Variants in SAMD5 observed in about 807,000 individuals in gnomAD.
The protein encoded by SAMD5 is sterile alpha motif domain-containing protein 5.
In SAMD5, 13 loss-of-function variants were observed where a neutral mutation model predicts 11.3. That is an observed-to-expected ratio of 1.15 (90% confidence interval 0.75 to 1.83). SAMD5 has a LOEUF of 1.83. Among genes scored for constraint, SAMD5 ranks in the 40% most tolerant of loss-of-function variants. The probability of loss-of-function intolerance (pLI) is 0.00; values close to 1 mark genes in which losing one functional copy is unlikely to be tolerated. For synonymous variants in SAMD5, 129 were observed against 111.3 expected, an observed-to-expected ratio of 1.16 and a Z score of -1.00; for missense variants, 255 against 239.1, an observed-to-expected ratio of 1.07 and a Z score of -0.44.
the SAMD5 span, among the ~76,000 whole-genome samples, chr6:147,790,883 A>G: frequency 1.4e-5 from 2 of 147,072 alleles, no homozygotes; most frequent in East Asian, 2.0e-4. Context: ...GCTTCCTTGG[A>G]TGTCAGATTG....
the SAMD5 span, among the ~76,000 whole-genome samples, chr6:147,770,377 G>A: frequency 1.3e-5 from 2 of 152,122 alleles, no homozygotes; most frequent in East Asian, 3.9e-4. Flanking sequence ...TAAAACGGAC[G>A]ATTTCTGCCT....
chr6:147,754,740 T>C, the SAMD5 span, among the ~76,000 whole-genome samples: 1 of 152,136 alleles, frequency 6.6e-6, no homozygotes, highest in Non-Finnish European at 1.5e-5. Flanking sequence ...TTTTTGTATA[T>C]GGCAAGAGAT....
the SAMD5 span, among the ~76,000 whole-genome samples, chr6:147,890,792 A>C: frequency 6.6e-6 from 1 of 152,196 alleles, no homozygotes; most frequent in African/African-American, 2.4e-5. Flanking sequence ...ATTTGTGTTA[A>C]AGATTAGATG....
At chr6:147,786,442 G>T in the SAMD5 span, among the ~76,000 whole-genome samples, 1 of 152,122 alleles carries the variant, frequency 6.6e-6, no homozygotes, top group Admixed American at 6.6e-5. Flanking sequence ...TTTGTGAGGC[G>T]AATATAAGCT....
At chr6:147,587,811 G>A (rs1445297123) in intron 1 of SAMD5, among the ~76,000 whole-genome samples, 3 of 152,028 alleles carry the variant, frequency 2.0e-5, no homozygotes, top group African/African-American at 7.2e-5. Context: ...GTCTACCAGA[G>A]CAATCACTTA....
At chr6:147,791,774 T>A in the SAMD5 span, among the ~76,000 whole-genome samples, 3 of 152,244 alleles carry the variant, frequency 2.0e-5, no homozygotes, top group Admixed American at 1.3e-4. Context: ...ATTAAGATTA[T>A]GTCTTTCCAC....
At chr6:147,510,674 G>C (rs1398212952) in intron 1 of SAMD5, among the ~76,000 whole-genome samples, 1 of 152,170 alleles carries the variant, frequency 6.6e-6, no homozygotes, top group Non-Finnish European at 1.5e-5. Context: ...AAGGTAGATG[G>C]GAATAAGGGG....
the SAMD5 span, among the ~76,000 whole-genome samples, chr6:147,828,121 T>A: frequency 2.0e-5 from 3 of 152,162 alleles, no homozygotes; most frequent in Admixed American, 2.0e-4. Context: ...TTTGCTAACC[T>A]TACAAAATGA....
chr6:147,695,917 C>T (rs948875949), intron 1 of SAMD5, among the ~76,000 whole-genome samples: 1 of 152,220 alleles, frequency 6.6e-6, no homozygotes, highest in Non-Finnish European at 1.5e-5. Context: ...CCTTAATTCA[C>T]CTCTTCTTTA....
the SAMD5 span, among the ~76,000 whole-genome samples, chr6:147,830,812 A>G: frequency 9.8e-5 from 15 of 152,344 alleles, 1 homozygote; most frequent in South Asian, 1.9e-3. Flanking sequence ...GAATTTTGTC[A>G]GGAAGATCTA....
chr6:147,767,372 C>A, the SAMD5 span, among the ~76,000 whole-genome samples: 1 of 151,044 alleles, frequency 6.6e-6, no homozygotes, highest in Admixed American at 6.6e-5. Flanking sequence ...GTGGTACTGC[C>A]TTAAATCAAA....
chr6:147,564,318 G>A (rs1274328938), intron 1 of SAMD5, 76 bp from the exon 2 acceptor site: 8 of 760,120 alleles, frequency 1.1e-5, no homozygotes, highest in Admixed American at 1.8e-5. Flanking sequence ...AAAAATAGGA[G>A]CAGAAATCCA....
chr6:147,919,131 G>C, the SAMD5 span, among the ~76,000 whole-genome samples: 2 of 152,190 alleles, frequency 1.3e-5, no homozygotes, highest in African/African-American at 4.8e-5. Flanking sequence ...AAATGGCGTA[G>C]TTTACACGCT....
chr6:147,594,421 A>G (rs1789499785), intron 1 of SAMD5, among the ~76,000 whole-genome samples: 4 of 152,200 alleles, frequency 2.6e-5, no homozygotes, highest in African/African-American at 9.6e-5. Flanking sequence ...AACTAAGTTC[A>G]CGGATAATGT....
chr6:147,852,483 G>T, the SAMD5 span, among the ~76,000 whole-genome samples: 1 of 151,732 alleles, frequency 6.6e-6, no homozygotes, highest in Non-Finnish European at 1.5e-5. Context: ...GTAAACTCTT[G>T]GTACCCATAT....
At chr6:147,926,370 T>C in the SAMD5 span, among the ~76,000 whole-genome samples, 1 of 152,208 alleles carries the variant, frequency 6.6e-6, no homozygotes. Flanking sequence ...TTTTTAATAA[T>C]AGCCATTCTG....
intron 1 of SAMD5, among the ~76,000 whole-genome samples, chr6:147,682,614 T>C (rs1048675513): frequency 6.6e-6 from 1 of 152,226 alleles, no homozygotes; most frequent in Admixed American, 6.5e-5. Context: ...ACTTTCTTTT[T>C]AATGAATGTA....
At chr6:147,906,153 T>A in the SAMD5 span, among the ~76,000 whole-genome samples, 1 of 152,198 alleles carries the variant, frequency 6.6e-6, no homozygotes, top group African/African-American at 2.4e-5. Context: ...GAAAAATAAT[T>A]TCTGAAGATT....
chr6:147,860,032 T>C, the SAMD5 span, among the ~76,000 whole-genome samples: 1 of 152,164 alleles, frequency 6.6e-6, no homozygotes, highest in East Asian at 1.9e-4. Context: ...AGAGATTGGG[T>C]GGCTTAAGAC....
Sources: allele counts gnomAD v4.1 joint callset (sites outside exome capture counted in the v4.1 genomes callset), GRCh38; gene constraint gnomAD v4.1.1; transcripts MANE v1.5; gene names NCBI Gene and HGNC (gene_info 2026-07-23, HGNC 2026-07-21).